Variants in THSD7B observed in about 807,000 individuals in gnomAD.
The protein encoded by THSD7B is thrombospondin type 1 domain containing 7B.
Under a neutral mutation model 213.6 loss-of-function variants are expected in THSD7B, and 138 were observed. The observed-to-expected ratio is 0.65, with a 90% CI of 0.56 to 0.74. The LOEUF (loss-of-function observed/expected upper bound fraction) is 0.74. Ranked by LOEUF, THSD7B falls within the 30% of genes least tolerant of loss-of-function variation. The probability of loss-of-function intolerance (pLI) is 0.00; values close to 1 mark genes in which losing one functional copy is unlikely to be tolerated. For synonymous variants in THSD7B, 742 were observed against 687.0 expected, an observed-to-expected ratio of 1.08 and a Z score of -1.25; for missense variants, 1,931 against 1,991.5, an observed-to-expected ratio of 0.97 and a Z score of 0.58.
chr2:136,985,244 A>G (rs1051091322), intron 2 of THSD7B, among the ~76,000 whole-genome samples: 6 of 152,156 alleles, frequency 3.9e-5, no homozygotes, highest in Admixed American at 2.0e-4. Flanking sequence ...AGCCAAGACA[A>G]TGAGGAAAAG....
chr2:137,492,679 T>G (rs986006635), intron 15 of THSD7B, among the ~76,000 whole-genome samples: 10 of 152,318 alleles, frequency 6.6e-5, no homozygotes, highest in East Asian at 5.8e-4. Context: ...CAATGGTTAC[T>G]TTTTAGGAAT....
chr2:137,658,065 T>G (rs1683273148), intron 24 of THSD7B, among the ~76,000 whole-genome samples: 1 of 152,242 alleles, frequency 6.6e-6, no homozygotes, highest in African/African-American at 2.4e-5. Context: ...GTCATTATTT[T>G]TACTTAGTAC....
chr2:137,601,124 T>C (rs1208587834), intron 17 of THSD7B, among the ~76,000 whole-genome samples: 3 of 152,306 alleles, frequency 2.0e-5, no homozygotes, highest in East Asian at 3.9e-4. Context: ...ATTAAAAGTT[T>C]ATAAAATAAA....
chr2:137,155,310 A>G (rs891316027), intron 5 of THSD7B, among the ~76,000 whole-genome samples: 1 of 152,206 alleles, frequency 6.6e-6, no homozygotes, highest in African/African-American at 2.4e-5. Context: ...TAGGAATGGC[A>G]GAAGGCTCCA....
intron 7 of THSD7B, among the ~76,000 whole-genome samples, chr2:137,183,625 T>C (rs554391952): frequency 6.6e-6 from 1 of 152,254 alleles, no homozygotes; most frequent in East Asian, 1.9e-4. Context: ...CACAATTTAC[T>C]ATAAATCCTG....
intron 7 of THSD7B, among the ~76,000 whole-genome samples, chr2:137,222,240 A>C (rs540700305): frequency 1.0e-4 from 15 of 147,898 alleles, no homozygotes; most frequent in Admixed American, 3.4e-4. Flanking sequence ...CCCTTTCCTC[A>C]CTTATGGCAG....
At chr2:137,051,452 T>A (rs1403655144) in intron 2 of THSD7B, among the ~76,000 whole-genome samples, 1 of 152,250 alleles carries the variant, frequency 6.6e-6, no homozygotes, top group East Asian at 1.9e-4. Context: ...TATTCCGTAG[T>A]TGATGCGGTA....
chr2:136,869,962 C>A (rs1400582423), intron 1 of THSD7B, among the ~76,000 whole-genome samples: 1 of 151,750 alleles, frequency 6.6e-6, no homozygotes, highest in Non-Finnish European at 1.5e-5. Flanking sequence ...ATCCAAGCTA[C>A]TCAGGAGGCT....
chr2:137,306,371 G>A (rs1683745138), intron 12 of THSD7B, among the ~76,000 whole-genome samples: 1 of 152,074 alleles, frequency 6.6e-6, no homozygotes. Context: ...TAGCCAGGTT[G>A]ACACATTATA....
intron 2 of THSD7B, among the ~76,000 whole-genome samples, chr2:136,975,985 C>T (rs995845437): frequency 6.6e-5 from 10 of 152,074 alleles, no homozygotes; most frequent in Non-Finnish European, 1.0e-4. Context: ...TGGCTGTTTG[C>T]TTCTCTGTTT....
At chr2:136,807,881 T>G (rs1396206746) in intron 1 of THSD7B, among the ~76,000 whole-genome samples, 1 of 152,230 alleles carries the variant, frequency 6.6e-6, no homozygotes, top group Non-Finnish European at 1.5e-5. Context: ...CTGGTTCCTT[T>G]TGTTGAACAG....
Position 137,391,546 on chromosome 2 carries a change from G to A in THSD7B, c.2501-14067G>A, listed in dbSNP as rs140882122. On this transcript the variant is annotated intron_variant, in intron 12 of 27. Coordinates refer to ENST00000409968, the MANE Select transcript of THSD7B (RefSeq NM_001316349.2). ...CTACTAGAAATACAAAAATTAGCCG[G>A]GCATGGTAGCATGTGCCTGTATTCC... is the stretch of plus-strand genomic sequence containing the variant. Among the ~76,000 whole-genome samples the A allele has an allele frequency of 1.9e-3, 289 of 152,046 alleles. 4 individuals are homozygous for A. Among genetic ancestry groups the A allele is most frequent in the East Asian group, 0.018 (93 of 5,146 alleles).
intron 6 of THSD7B, among the ~76,000 whole-genome samples, chr2:137,166,831 A>C (rs996093770): frequency 1.3e-5 from 2 of 152,120 alleles, no homozygotes; most frequent in African/African-American, 2.4e-5. Flanking sequence ...GCTAAGAGAT[A>C]GTTGTTTCTT....
intron 14 of THSD7B, among the ~76,000 whole-genome samples, chr2:137,432,422 A>G (rs1687207561): frequency 6.6e-6 from 1 of 152,148 alleles, no homozygotes; most frequent in African/African-American, 2.4e-5. Flanking sequence ...AAAAATAAAA[A>G]TTGTCGGCAT....
intron 17 of THSD7B, among the ~76,000 whole-genome samples, chr2:137,594,593 G>A (rs968264667): frequency 2.0e-5 from 3 of 151,946 alleles, no homozygotes; most frequent in South Asian, 2.1e-4. Context: ...CCATGCAGCA[G>A]TATTGTATTG....
rs371451547 is a variant in THSD7B, at chr2:137,454,424, G to A, written c.3138+3401G>A. On this transcript the variant is annotated intron_variant, in intron 15 of 27. Coordinates refer to ENST00000409968, the MANE Select transcript of THSD7B (RefSeq NM_001316349.2). ...TGTCTGTCTGTCTGTCTGTCTGTCT[G>A]TCTATCTATCTATCTATCTATCTAT... Among the ~76,000 whole-genome samples the A allele has an allele frequency of 2.7e-3, 372 of 140,240 alleles. 1 individual carries two copies. Among genetic ancestry groups the A allele is most frequent in the African/African-American group, 4.8e-3 (178 of 37,130 alleles). 92.0% of individuals were successfully genotyped at this position (140,240 alleles called of 152,430 possible). A position where few individuals can be genotyped will look rare whatever the true frequency, so the allele number is the denominator to read the frequency against.
At chr2:137,043,234 C>T (rs192684150) in intron 2 of THSD7B, among the ~76,000 whole-genome samples, 75 of 152,220 alleles carry the variant, frequency 4.9e-4, no homozygotes, top group African/African-American at 1.5e-3. Context: ...CCCTTCCTAC[C>T]GCCAGGGTCC....
At chr2:137,352,041 G>A (rs1167298282) in intron 12 of THSD7B, among the ~76,000 whole-genome samples, 1 of 151,716 alleles carries the variant, frequency 6.6e-6, no homozygotes, top group Non-Finnish European at 1.5e-5. Flanking sequence ...CTTTCAGTGT[G>A]GTCCAGGGAA....
chr2:137,158,620 T>A (rs947595122), intron 5 of THSD7B, among the ~76,000 whole-genome samples: 1 of 151,518 alleles, frequency 6.6e-6, no homozygotes, highest in Non-Finnish European at 1.5e-5. Flanking sequence ...TGCCTCATTG[T>A]TCATTAGAAA....
Sources: allele counts gnomAD v4.1 joint callset (sites outside exome capture counted in the v4.1 genomes callset), GRCh38; gene constraint gnomAD v4.1.1; transcripts MANE v1.5; gene names NCBI Gene and HGNC (gene_info 2026-07-23, HGNC 2026-07-21).